Variants in THEMIS observed in about 807,000 individuals in gnomAD.
The protein encoded by THEMIS is thymocyte selection associated, also known as protein THEMIS.
Under a neutral mutation model 52.6 loss-of-function variants are expected in THEMIS, and 37 were observed. That is an observed-to-expected ratio of 0.70 (90% CI 0.54 to 0.93). THEMIS has a LOEUF of 0.93. Among genes scored for constraint, THEMIS ranks in the 40% least tolerant of loss-of-function variants. The pLI is 0.00. For missense variants in THEMIS, 808 were observed against 763.1 expected (o/e 1.06, Z -0.69); for synonymous variants, 292 against 272.7 (o/e 1.07, Z -0.70).
chr6:127,914,975 T>C (rs1340047337), intron 1 of THEMIS, among the ~76,000 whole-genome samples: 1 of 152,210 alleles, frequency 6.6e-6, no homozygotes, highest in Non-Finnish European at 1.5e-5. Context: ...CTAGTGAATC[T>C]GAAAAGCTGC....
intron 1 of THEMIS, among the ~76,000 whole-genome samples, chr6:127,866,783 T>C (rs1034035445): frequency 5.3e-5 from 8 of 151,608 alleles, no homozygotes; most frequent in African/African-American, 1.9e-4. Flanking sequence ...CACAAAGAAA[T>C]AACCAATAAA....
chr6:127,844,114 G>C (rs983351871), intron 2 of THEMIS, among the ~76,000 whole-genome samples: 2 of 152,088 alleles, frequency 1.3e-5, no homozygotes. Flanking sequence ...TTGAACATTT[G>C]AAATCACATA....
chr6:127,769,009 C>T (rs540283044), intron 4 of THEMIS, among the ~76,000 whole-genome samples: 1 of 152,272 alleles, frequency 6.6e-6, no homozygotes, highest in South Asian at 2.1e-4. Flanking sequence ...AAACACATCA[C>T]CAAAAGACAA....
chr6:127,761,697 T>C (rs1776027601), intron 4 of THEMIS, among the ~76,000 whole-genome samples: 1 of 152,156 alleles, frequency 6.6e-6, no homozygotes, highest in Non-Finnish European at 1.5e-5. Context: ...CTTTTCTTTT[T>C]GTAGTGCTGA....
intron 4 of THEMIS, among the ~76,000 whole-genome samples, chr6:127,781,412 C>T (rs1218372958): frequency 1.3e-5 from 2 of 152,032 alleles, no homozygotes; most frequent in Non-Finnish European, 2.9e-5. Flanking sequence ...CAAACTCATT[C>T]TCCATCCAGT....
chr6:127,730,805 T>C (rs1344314429), intron 4 of THEMIS, among the ~76,000 whole-genome samples: 1 of 152,190 alleles, frequency 6.6e-6, no homozygotes, highest in Non-Finnish European at 1.5e-5. Flanking sequence ...ATCTTTTAAC[T>C]AAAGGGCCAG....
chr6:127,885,473 A>G (rs1224996029), intron 1 of THEMIS, among the ~76,000 whole-genome samples: 1 of 152,114 alleles, frequency 6.6e-6, no homozygotes, highest in Non-Finnish European at 1.5e-5. Context: ...TACTGATAAA[A>G]AATAAAAAAA....
chr6:127,834,158 T>C lies in THEMIS; in HGVS notation c.251-4224A>G, dbSNP rs532109591. ...GTGATAAAGAAATGATACACAGTAA[T>C]TTAACTGAGTATTTGGGAGGGCAGA... On this transcript the variant is annotated intron_variant, in intron 2 of 5. Transcript: ENST00000368248. Among the ~76,000 whole-genome samples the C allele has an allele frequency of 2.0e-5, 3 of 152,224 alleles. No individual in the cohort carries two copies. In the South Asian group the frequency reaches 6.2e-4, roughly 32 times the overall value.
chr6:127,709,778 C>T lies in THEMIS; in HGVS notation c.*207G>A. ...AACACAATGCCTACAGATTTAGACA[C>T]AACAGAATAGACTATATGAATTCTA... On this transcript the variant is annotated 3_prime_UTR_variant, in exon 6 of 6. Coordinates refer to ENST00000368248, the MANE Select transcript of THEMIS (RefSeq NM_001010923.3). The T allele has an allele frequency of 2.0e-6, 1 of 493,040 alleles. No individual in the cohort carries two copies. The highest frequency in any genetic ancestry group is 3.5e-6 in the Non-Finnish European group (1 of 282,606). The allele number at this position is 493,040 out of a possible 1,614,324, so 30.5% of individuals were successfully genotyped here. A position where few individuals can be genotyped will look rare whatever the true frequency, so the allele number is the denominator to read the frequency against.
chr6:127,893,531 G>T (rs1309180903), intron 1 of THEMIS, among the ~76,000 whole-genome samples: 1 of 152,142 alleles, frequency 6.6e-6, no homozygotes, highest in Non-Finnish European at 1.5e-5. Flanking sequence ...AGAGTCCTGA[G>T]TTTATAACCC....
intron 4 of THEMIS, among the ~76,000 whole-genome samples, chr6:127,765,512 T>A (rs1776165463): frequency 6.6e-6 from 1 of 152,120 alleles, no homozygotes; most frequent in Non-Finnish European, 1.5e-5. Context: ...AAAAGAAATT[T>A]GTAATGCCAA....
At chr6:127,734,047 T>C (rs1388453844) in intron 4 of THEMIS, among the ~76,000 whole-genome samples, 1 of 152,176 alleles carries the variant, frequency 6.6e-6, no homozygotes, top group Non-Finnish European at 1.5e-5. Context: ...GAATACAATC[T>C]GCAACATTCA....
At chr6:127,818,465 C>T (rs1778210899) in intron 3 of THEMIS, among the ~76,000 whole-genome samples, 1 of 151,908 alleles carries the variant, frequency 6.6e-6, no homozygotes, top group Non-Finnish European at 1.5e-5. Context: ...TAGCCTCTGA[C>T]ACCTACCATT....
At chr6:127,847,102 C>T (rs1448747355) in intron 2 of THEMIS, among the ~76,000 whole-genome samples, 2 of 151,592 alleles carry the variant, frequency 1.3e-5, no homozygotes, top group Non-Finnish European at 2.9e-5. Context: ...GATAGAAACG[C>T]TCAAAAAAAT....
At chr6:127,728,489 G>T (rs1006112220) in intron 4 of THEMIS, among the ~76,000 whole-genome samples, 1 of 152,046 alleles carries the variant, frequency 6.6e-6, no homozygotes, top group Non-Finnish European at 1.5e-5. Flanking sequence ...TTTGCACATC[G>T]TGACTTACCA....
At chr6:127,850,693 C>CA (rs1779390809) in intron 2 of THEMIS, among the ~76,000 whole-genome samples, 1 of 151,638 alleles carries the variant, frequency 6.6e-6, no homozygotes, top group Non-Finnish European at 1.5e-5. Context: ...TATGAGGACA[C>CA]AAAGGCATAA....
intron 4 of THEMIS, among the ~76,000 whole-genome samples, chr6:127,738,275 T>C (rs1775076238): frequency 6.6e-6 from 1 of 152,112 alleles, no homozygotes; most frequent in African/African-American, 2.4e-5. Context: ...AGAATCAGAC[T>C]GTAATCCAAT....
Position 127,794,939 on chromosome 6 carries a change from CA to C in THEMIS, c.1758+17943del, listed in dbSNP as rs1369892403. Among the ~76,000 whole-genome samples, 7 of 151,756 alleles carry C rather than the reference CA, an allele frequency of 4.6e-5. No homozygotes were observed. The South Asian group carries it at 8.3e-4, about 18-fold the overall frequency. The stretch of plus-strand genomic sequence containing the variant: ...TTTTATTACTGATGAAAATGTAACA[CA>C]AAAAAACAGTATGTAAAATATAATA... On this transcript the variant is annotated intron_variant, in intron 4 of 5. Coordinates refer to ENST00000368248, the MANE Select transcript of THEMIS (RefSeq NM_001010923.3).
At chr6:127,904,589 A>T (rs569602362), upstream of THEMIS, among the ~76,000 whole-genome samples, 1 of 152,206 alleles carries the variant, frequency 6.6e-6, no homozygotes, top group East Asian at 1.9e-4. Flanking sequence ...AACTTCTGTA[A>T]TATTTAAAAA....
Sources: gnomAD v4.1 joint callset for allele counts (sites outside exome capture counted in the v4.1 genomes callset) on GRCh38, gnomAD v4.1.1 for gene constraint, MANE v1.5 for transcripts, NCBI Gene and HGNC (gene_info 2026-07-23, HGNC 2026-07-21) for gene names.